The following RNF13 variants were observed in gnomAD, a reference collection of about 807,000 sequenced individuals.
RNF13 encodes E3 ubiquitin-protein ligase RNF13.
A neutral mutation model predicts 37.7 loss-of-function variants in RNF13; 19 were observed. The observed-to-expected ratio is 0.50, with a 90% CI of 0.35 to 0.74. The LOEUF (loss-of-function observed/expected upper bound fraction) is 0.74. Among genes scored for constraint, RNF13 ranks in the 30% least tolerant of loss-of-function variants. The pLI is 0.01. For missense variants in RNF13, 375 were observed against 453.0 expected (o/e 0.83, Z 1.56); for synonymous variants, 144 against 157.8 (o/e 0.91, Z 0.65).
chr3:149,891,338 A>G (rs1714676462), intron 4 of RNF13, among the ~76,000 whole-genome samples: 1 of 152,234 alleles, frequency 6.6e-6, no homozygotes, highest in African/African-American at 2.4e-5. Flanking sequence ...AAGCATAATC[A>G]TCTCTATTAT....
chr3:149,843,465 GTAAA>G (rs1316428058), intron 1 of RNF13, among the ~76,000 whole-genome samples: 3 of 152,024 alleles, frequency 2.0e-5, no homozygotes, highest in Admixed American at 6.6e-5. Context: ...AATTAGTTTC[GTAAA>G]TAGAGACTAT....
chr3:149,879,340 T>C (rs941419876), intron 4 of RNF13, among the ~76,000 whole-genome samples: 2 of 148,712 alleles, frequency 1.3e-5, no homozygotes, highest in Admixed American at 6.8e-5. Flanking sequence ...CAGGGTCTTA[T>C]ACTGTTGCCT....
intron 3 of RNF13, among the ~76,000 whole-genome samples, chr3:149,853,834 CTTT>C (rs1052140782): frequency 3.5e-5 from 4 of 115,400 alleles, no homozygotes; most frequent in Admixed American, 8.8e-5. Flanking sequence ...TAAAATTTCT[CTTT>C]TTTTTTTTTT....
rs532071688 is a variant in RNF13, at chr3:149,899,374, G to C, written c.410-2698G>C. Reference sequence around the variant, plus strand: ...TGAACCACAAGAATCACTTGAACCTGGGAGGCGGAGGGTGCAGTGAGCCGA... The same window carrying C: ...TGAACCACAAGAATCACTTGAACCTCGGAGGCGGAGGGTGCAGTGAGCCGA... On this transcript the variant is annotated intron_variant, in intron 5 of 9. Transcript: ENST00000392894. Among the ~76,000 whole-genome samples the C allele has an allele frequency of 9.2e-5, 14 of 152,268 alleles. No individual in the cohort carries two copies. In the East Asian group the frequency reaches 2.7e-3, roughly 29 times the overall value.
chr3:149,913,620 A>G lies in RNF13; in HGVS notation c.606+1537A>G, dbSNP rs567103073. On this transcript the variant is annotated intron_variant, in intron 7 of 9. Coordinates refer to ENST00000392894, the MANE Select transcript of RNF13 (RefSeq NM_183381.3). ...CCTGTCTTCCCTCTGGTCTATGACA[A>G]TTTTGCTGTTCTTGTTTTTCATGGC... 1.8e-3 allele frequency among the ~76,000 whole-genome samples: 279 copies of G among 152,242 alleles called. 1 individual carries two copies. Among genetic ancestry groups the G allele is most frequent in the African/African-American group, 6.4e-3 (266 of 41,568 alleles).
chr3:149,954,379 CTA>C (rs1045538180), intron 8 of RNF13, among the ~76,000 whole-genome samples: 2 of 151,956 alleles, frequency 1.3e-5, no homozygotes, highest in African/African-American at 4.8e-5. Flanking sequence ...TTAGGGGACT[CTA>C]TAACATTTGT....
chr3:149,907,500 G>T (rs920703047), intron 6 of RNF13, among the ~76,000 whole-genome samples: 1 of 152,144 alleles, frequency 6.6e-6, no homozygotes, highest in African/African-American at 2.4e-5. Context: ...CCATTGTTTA[G>T]ATATATCCTA....
chr3:149,861,612 C>T (rs926672850), intron 3 of RNF13, among the ~76,000 whole-genome samples: 1 of 151,814 alleles, frequency 6.6e-6, no homozygotes, highest in African/African-American at 2.4e-5. Flanking sequence ...TTGATAGATA[C>T]CAGAGGGTGA....
At chr3:149,854,468 G>T (rs1485898717) in intron 3 of RNF13, among the ~76,000 whole-genome samples, 1 of 151,860 alleles carries the variant, frequency 6.6e-6, no homozygotes, top group Non-Finnish European at 1.5e-5. Flanking sequence ...ATTCATAAAT[G>T]GTTATCATTT....
At chr3:149,879,933 G>C (rs1175314276) in intron 4 of RNF13, among the ~76,000 whole-genome samples, 1 of 152,124 alleles carries the variant, frequency 6.6e-6, no homozygotes, top group Non-Finnish European at 1.5e-5. Context: ...AAAACCCATG[G>C]ATATGTCTTT....
intron 8 of RNF13, among the ~76,000 whole-genome samples, chr3:149,941,779 T>C (rs1487306014): frequency 6.6e-6 from 1 of 151,800 alleles, no homozygotes; most frequent in Non-Finnish European, 1.5e-5. Flanking sequence ...TATCCTGAAG[T>C]TTTTCCCCTA....
Position 149,898,469 on chromosome 3 carries a change from C to T in RNF13, c.409+2909C>T, listed in dbSNP as rs897310155. The stretch of plus-strand genomic sequence containing the variant: ...GTGCAGTACTTAAGAGAGTACTTTC[C>T]GGGTACTGCTTGTTAGGGTTTGAAT... On this transcript the variant is annotated intron_variant, in intron 5 of 9. Coordinates refer to ENST00000392894, the MANE Select transcript of RNF13 (RefSeq NM_183381.3). 1.5e-4 allele frequency among the ~76,000 whole-genome samples: 23 copies of T among 152,170 alleles called. 1 individual carries two copies. The highest frequency in any genetic ancestry group is 6.8e-3 in the Middle Eastern group (2 of 294).
chr3:149,903,949 G>A lies in RNF13; in HGVS notation c.500+1787G>A, dbSNP rs540742078. Among the ~76,000 whole-genome samples, 681 of 146,988 alleles carry A rather than the reference G, an allele frequency of 4.6e-3. 3 individuals are homozygous for A. The highest frequency in any genetic ancestry group is 7.2e-3 in the Non-Finnish European group (486 of 67,888). On this transcript the variant is annotated intron_variant, in intron 6 of 9. Transcript: ENST00000392894. ...TATATATCTGTCTATCTGTCTGTCT[G>A]TCTGTCTGTCTGTCTGTCTGTCTAT...
rs768147721 is a variant in RNF13, at chr3:149,912,092, A to C, written c.606+9A>C. ...TGATAGTCATTTTCATGGTAGGTAC[A>C]TTAACTTTTAATAATTTTTAAAAAA... On this transcript the variant is annotated intron_variant, in intron 7 of 9. Transcript: ENST00000392894. 1 of 1,333,978 alleles carries C rather than the reference A, an allele frequency of 7.5e-7. No individual in the cohort carries two copies. The highest frequency in any genetic ancestry group is 1.1e-6 in the Non-Finnish European group (1 of 938,792). The allele number at this position is 1,333,978 out of a possible 1,614,324, so 82.6% of individuals were successfully genotyped here. A position where few individuals can be genotyped will look rare whatever the true frequency, so the allele number is the denominator to read the frequency against.
chr3:149,929,121 C>T (rs1418005647), intron 8 of RNF13, among the ~76,000 whole-genome samples: 2 of 152,122 alleles, frequency 1.3e-5, no homozygotes, highest in Non-Finnish European at 2.9e-5. Context: ...CCTGTTCTCA[C>T]ACTACTATAA....
At chr3:149,828,707 T>C (rs996638442) in intron 1 of RNF13, among the ~76,000 whole-genome samples, 1 of 152,160 alleles carries the variant, frequency 6.6e-6, no homozygotes, top group African/African-American at 2.4e-5. Flanking sequence ...TTTGACCCTC[T>C]ACCCACTGCC....
At chr3:149,910,336 A>G (rs1490179709) in intron 6 of RNF13, among the ~76,000 whole-genome samples, 10 of 152,194 alleles carry the variant, frequency 6.6e-5, no homozygotes. Flanking sequence ...AGCTATACAA[A>G]TGTGTGTGAA....
intron 8 of RNF13, among the ~76,000 whole-genome samples, chr3:149,932,364 C>T (rs967118314): frequency 2.6e-5 from 4 of 152,156 alleles, no homozygotes; most frequent in Admixed American, 1.3e-4. Context: ...TAGTACAATA[C>T]AATCATCTCT....
At chr3:149,836,578 A>G (rs1272140941) in intron 1 of RNF13, among the ~76,000 whole-genome samples, 2 of 152,192 alleles carry the variant, frequency 1.3e-5, no homozygotes, top group African/African-American at 2.4e-5. Context: ...ATTTGTGGGA[A>G]AGTAAAATGG....
Sources: gnomAD v4.1 joint callset for allele counts (sites outside exome capture counted in the v4.1 genomes callset) on GRCh38, gnomAD v4.1.1 for gene constraint, MANE v1.5 for transcripts, NCBI Gene and HGNC (gene_info 2026-07-23, HGNC 2026-07-21) for gene names.